Variants in TMED2 observed in about 807,000 individuals in gnomAD.
TMED2 encodes the protein transmembrane p24 trafficking protein 2, also known as transmembrane emp24 domain-containing protein 2.
A neutral mutation model predicts 17.5 loss-of-function variants in TMED2; 3 were observed. That is an observed-to-expected ratio of 0.17 (90% CI 0.08 to 0.44). TMED2 has a LOEUF of 0.44. Ranked by LOEUF, TMED2 falls within the 20% of genes least tolerant of loss-of-function variation. TMED2 has a pLI of 0.99. For synonymous variants in TMED2, 95 were observed against 91.0 expected (o/e 1.04, Z -0.25); for missense variants, 149 against 254.8 (o/e 0.58, Z 2.83).
chr12:123,585,083 G>A (rs1886315167), intron 1 of TMED2: 1 of 428,786 alleles, frequency 2.3e-6, no homozygotes, highest in African/African-American at 2.0e-5. Flanking sequence ...TTGAACGACG[G>A]GTTCCTGTTG....
chr12:123,592,289 G>T (rs2135663065), intron 3 of TMED2, among the ~76,000 whole-genome samples: 1 of 152,226 alleles, frequency 6.6e-6, no homozygotes, highest in Non-Finnish European at 1.5e-5. Context: ...TGTTTACCTT[G>T]TTCCCAGATG....
rs368589435 is a variant in TMED2 at position 123,598,195 on chromosome 12, T to TATTTGG, written c.*1466_*1467insATTTGG. ...AATCCACATTTTTTACACACCAACT[T>TATTTGG]TCTGTTCTTATTTGACATGAGACAT... is the stretch of plus-strand genomic sequence containing the variant. On this transcript the variant is annotated 3_prime_UTR_variant, in exon 4 of 4. Transcript: ENST00000262225. 2 of 152,512 alleles carry TATTTGG rather than the reference T, an allele frequency of 1.3e-5. No individual in the cohort carries two copies. Among genetic ancestry groups the TATTTGG allele is most frequent in the African/African-American group, 4.8e-5 (2 of 41,546 alleles). The allele number at this position is 152,512 out of a possible 1,614,324, so 9.4% of individuals were successfully genotyped here. A position where few individuals can be genotyped will look rare whatever the true frequency, so the allele number is the denominator to read the frequency against.
In TMED2 at chr12:123,584,564, GGGC is replaced by G. The variant is rs71088937; in HGVS notation, c.-48_-46del. 1,248,673 of 1,399,214 alleles carry G rather than the reference GGGC, an allele frequency of 0.89. 553,953 individuals are homozygous for G. Among genetic ancestry groups the G allele is most frequent in the Admixed American group, 0.92 (43,523 of 47,340 alleles). The allele number at this position is 1,399,214 out of a possible 1,614,324, so 86.7% of individuals were successfully genotyped here. A position where few individuals can be genotyped will look rare whatever the true frequency, so the allele number is the denominator to read the frequency against. On this transcript the variant is annotated 5_prime_UTR_variant, in exon 1 of 4. Coordinates refer to ENST00000262225, the MANE Select transcript of TMED2 (RefSeq NM_006815.4). ...GGCGGCGGTGGCTGAGAAGGCAGCG[GGGC>G]GGCGGCGGCGGCGGCGGCGGCGGCT...
At chr12:123,585,530 G>A (rs775604584) in intron 1 of TMED2, 1 of 152,152 alleles carries the variant, frequency 6.6e-6, no homozygotes, top group Admixed American at 6.6e-5. Context: ...ATGATGTGTT[G>A]CTAGTTTTTA....
chr12:123,584,830 G>T lies in TMED2; in HGVS notation c.180+14G>T. On this transcript the variant is annotated intron_variant, in intron 1 of 3. Coordinates refer to ENST00000262225, the MANE Select transcript of TMED2 (RefSeq NM_006815.4). ...ATCGACGTGGAGGTGCGGGCTAGCT[G>T]CCCGCAGCTGAGGCTTGGTCGCGTG... 6.2e-7 allele frequency: 1 copy of T among 1,605,784 alleles called. No homozygotes were observed.
At chr12:123,585,850 G>C (rs921230297) in intron 1 of TMED2, 1 of 152,158 alleles carries the variant, frequency 6.6e-6, no homozygotes, top group South Asian at 2.1e-4. Context: ...AAGCCTTCAG[G>C]CATCTCAGAT....
chr12:123,592,827 T>C (rs1198327219), intron 3 of TMED2, among the ~76,000 whole-genome samples: 1 of 152,168 alleles, frequency 6.6e-6, no homozygotes, highest in Non-Finnish European at 1.5e-5. Flanking sequence ...CATTTTTCTT[T>C]GGGAGGCCGA....
intron 3 of TMED2, among the ~76,000 whole-genome samples, chr12:123,592,112 C>T (rs1261490050): frequency 6.6e-6 from 1 of 152,190 alleles, no homozygotes; most frequent in Non-Finnish European, 1.5e-5. Context: ...GGAGAACTCC[C>T]CTCATCCCCA....
chr12:123,585,359 T>C (rs1025240981), intron 1 of TMED2, among the ~76,000 whole-genome samples: 5 of 152,242 alleles, frequency 3.3e-5, no homozygotes, highest in African/African-American at 9.6e-5. Context: ...TTCTACTCTT[T>C]ACGCCTCCAG....
chr12:123,586,629 C>T lies in TMED2; in HGVS notation c.181-118C>T, dbSNP rs1015937010. On this transcript the variant is annotated intron_variant, in intron 1 of 3. Transcript: ENST00000262225. ...CCTCCCAAAGTGCTGTGATTACAGGCGTGAGCCACCATGCCCAGCCATATT... is the reference window on the plus strand; with the variant it reads ...CCTCCCAAAGTGCTGTGATTACAGGTGTGAGCCACCATGCCCAGCCATATT... 33 of 1,066,302 alleles carry T rather than the reference C, an allele frequency of 3.1e-5. No homozygotes were observed. In the East Asian group the frequency reaches 4.8e-4, roughly 15 times the overall value. 66.1% of individuals were successfully genotyped at this position (1,066,302 alleles called of 1,614,324 possible).
Position 123,584,582 on chromosome 12 carries a change from CGG to C in TMED2, c.-54_-53del. 6.4e-7 allele frequency: 1 copy of C among 1,561,626 alleles called. No homozygotes were observed. The highest frequency in any genetic ancestry group is 8.6e-7 in the Non-Finnish European group (1 of 1,157,664). ...GGCAGCGGGGCGGCGGCGGCGGCGGCGGCGGCGGCTGTGGAGGCCGCAGTCCG... is the reference window on the plus strand; with the variant it reads ...GGCAGCGGGGCGGCGGCGGCGGCGGCCGGCGGCTGTGGAGGCCGCAGTCCG... On this transcript the variant is annotated 5_prime_UTR_variant, in exon 1 of 4. Transcript: ENST00000262225.
At position 123,584,674 on chromosome 12, in the gene TMED2, C is replaced by T. The variant is rs1593635163; in HGVS notation, c.38C>T (p.Ala13Val). The change falls in exon 1 of 4, where the codon GCT (alanine) becomes GTT (valine). Residue 13 changes from alanine (A) to valine (V), a missense_variant. Coordinates refer to ENST00000262225, the MANE Select transcript of TMED2 (RefSeq NM_006815.4). ...TLAELLVLLAALLATVSGYFV... is the reference protein window; with the variant it reads ...TLAELLVLLAVLLATVSGYFV... ...GCTGAACTGCTGGTGCTTCTGGCCG[C>T]TCTCCTGGCCACGGTCTCGGGCTAT... is the stretch of plus-strand genomic sequence containing the variant. 6.2e-7 allele frequency: 1 copy of T among 1,612,686 alleles called. No homozygotes were observed. Among genetic ancestry groups the T allele is most frequent in the Non-Finnish European group, 8.5e-7 (1 of 1,179,220 alleles).
Position 123,592,448 on chromosome 12 carries a change from T to TG in TMED2, c.481+1999_481+2000insG, listed in dbSNP as rs200693694. 1.2e-3 allele frequency among the ~76,000 whole-genome samples: 4 copies of TG among 3,314 alleles called. No individual in the cohort carries two copies. The Non-Finnish European group carries it at 0.033, about 28-fold the overall frequency. The allele number at this position is 3,314 out of a possible 152,430, so 2.2% of individuals were successfully genotyped here. The stretch of plus-strand genomic sequence containing the variant: ...CAGTGGCCAGAGGAAGCACATGTCT[T>TG]CCGTCTTTAGGGTGTCCAACCTTGT... On this transcript the variant is annotated intron_variant, in intron 3 of 3. Coordinates refer to ENST00000262225, the MANE Select transcript of TMED2 (RefSeq NM_006815.4).
chr12:123,596,514 T>A (rs1953431880), intron 3 of TMED2, 91 bp from the exon 4 acceptor site: 1 of 1,487,396 alleles, frequency 6.7e-7, no homozygotes, highest in Admixed American at 2.2e-5. Context: ...AATATTACTT[T>A]CACACAGAGT....
chr12:123,587,636 G>A (rs1316859959), intron 2 of TMED2: 3 of 1,279,128 alleles, frequency 2.3e-6, no homozygotes, highest in African/African-American at 3.1e-5. Context: ...GGGATGGTAT[G>A]TGGATTGCTT....
rs1043515145 is a variant in TMED2 at position 123,597,739 on chromosome 12, T to C, written c.*1010T>C. On this transcript the variant is annotated 3_prime_UTR_variant, in exon 4 of 4. Coordinates refer to ENST00000262225, the MANE Select transcript of TMED2 (RefSeq NM_006815.4). ...AATCTTGTTTTGTGTAAAATGAAATTACTTTCTCTTGTTCTCTGATGATGG... is the reference window on the plus strand; with the variant it reads ...AATCTTGTTTTGTGTAAAATGAAATCACTTTCTCTTGTTCTCTGATGATGG... The C allele has an allele frequency of 1.0e-4, 16 of 152,612 alleles. No individual in the cohort carries two copies. Among genetic ancestry groups the C allele is most frequent in the Admixed American group, 9.2e-4 (14 of 15,276 alleles). 9.5% of individuals were successfully genotyped at this position (152,612 alleles called of 1,614,324 possible).
intron 3 of TMED2, among the ~76,000 whole-genome samples, chr12:123,595,521 T>C (rs922948952): frequency 6.6e-6 from 1 of 152,224 alleles, no homozygotes; most frequent in Non-Finnish European, 1.5e-5. Flanking sequence ...ATTTTGATGT[T>C]GTAAATAATT....
intron 2 of TMED2, among the ~76,000 whole-genome samples, 191 bp from the exon 3 acceptor site, chr12:123,590,151 C>T (rs993373068): frequency 4.0e-5 from 6 of 151,758 alleles, no homozygotes; most frequent in Admixed American, 1.3e-4. Flanking sequence ...GGTGTGGCAG[C>T]GTGTGCCTGT....
intron 2 of TMED2, among the ~76,000 whole-genome samples, chr12:123,588,013 T>C (rs1189205383): frequency 6.6e-6 from 1 of 152,164 alleles, no homozygotes; most frequent in African/African-American, 2.4e-5. Flanking sequence ...AACCTGAAGC[T>C]TAGTTGGATA....
Sources: gnomAD v4.1 joint callset for allele counts (sites outside exome capture counted in the v4.1 genomes callset) on GRCh38, gnomAD v4.1.1 for gene constraint, MANE v1.5 for transcripts, NCBI Gene and HGNC (gene_info 2026-07-23, HGNC 2026-07-21) for gene names.